Variants in RNF180 observed in about 807,000 individuals in gnomAD.
RNF180 encodes the protein ring finger protein 180.
A neutral mutation model predicts 59.2 loss-of-function variants in RNF180; 38 were observed. That is an observed-to-expected ratio of 0.64 (90% CI 0.50 to 0.84). The LOEUF (loss-of-function observed/expected upper bound fraction) is 0.84, where lower values mean the gene tolerates loss of function less well. RNF180 is among the 40% of genes least tolerant of loss of function. RNF180 has a pLI of 0.00. For missense variants in RNF180, 705 were observed against 700.9 expected, an observed-to-expected ratio of 1.01 and a Z score of -0.07; for synonymous variants, 262 against 240.3, an observed-to-expected ratio of 1.09 and a Z score of -0.84.
intron 5 of RNF180, among the ~76,000 whole-genome samples, chr5:64,243,349 T>G (rs1193766377): frequency 2.0e-5 from 3 of 152,210 alleles, no homozygotes; most frequent in Admixed American, 6.5e-5. Context: ...AAATTATTGC[T>G]GCCAGCACAG....
intron 5 of RNF180, among the ~76,000 whole-genome samples, chr5:64,320,870 C>T (rs1022761432): frequency 2.6e-5 from 4 of 152,060 alleles, no homozygotes; most frequent in Admixed American, 6.6e-5. Context: ...AACCCTGTCT[C>T]TACTAAAAAT....
intron 5 of RNF180, among the ~76,000 whole-genome samples, chr5:64,279,662 T>C (rs1741905125): frequency 6.6e-6 from 1 of 152,232 alleles, no homozygotes; most frequent in African/African-American, 2.4e-5. Flanking sequence ...TATCAGTTAA[T>C]TTTTCACAAT....
At chr5:64,178,422 G>A (rs180740085) in intron 1 of RNF180, among the ~76,000 whole-genome samples, 52 of 152,248 alleles carry the variant, frequency 3.4e-4, no homozygotes, top group Middle Eastern at 3.4e-3. Flanking sequence ...GGGAATTAGA[G>A]CAAAGTTAAG....
chr5:64,350,093 TTAA>T (rs1371421258), intron 7 of RNF180, among the ~76,000 whole-genome samples: 1 of 152,188 alleles, frequency 6.6e-6, no homozygotes, highest in Non-Finnish European at 1.5e-5. Flanking sequence ...TCCTGACTTT[TTAA>T]TGATCACCAT....
chr5:64,305,234 T>A (rs907977114), intron 5 of RNF180, among the ~76,000 whole-genome samples: 9 of 151,612 alleles, frequency 5.9e-5, no homozygotes, highest in African/African-American at 2.2e-4. Context: ...AAGGTGTAGG[T>A]ATACTAGATT....
intron 5 of RNF180, 112 bp downstream of exon 5, chr5:64,217,508 A>G: frequency 7.7e-7 from 1 of 1,294,776 alleles, no homozygotes; most frequent in Non-Finnish European, 9.8e-7. Context: ...CCTTGAAAGC[A>G]AGCACTGGTA....
rs757356984 is a variant in RNF180 at position 64,372,210 on chromosome 5, G to A, written c.*2396G>A. ...TTTTTAAAAAAATGCCCTAATTGAG[G>A]TATATTTCTGAATAGTTTCAGCAGG... On this transcript the variant is annotated 3_prime_UTR_variant, in exon 8 of 8. Coordinates refer to ENST00000389100, the MANE Select transcript of RNF180 (RefSeq NM_001113561.2). 8 of 151,478 alleles carry A rather than the reference G, an allele frequency of 5.3e-5. No homozygotes were observed. The highest frequency in any genetic ancestry group is 1.0e-4 in the Non-Finnish European group (7 of 67,760). The allele number at this position is 151,478 out of a possible 1,614,324, so 9.4% of individuals were successfully genotyped here.
At position 64,253,824 on chromosome 5, in the gene RNF180, A is replaced by C. The variant is rs182558889; in HGVS notation, c.1227+36428A>C. ...CTCTGAATTAAAGTAATATCGGCAT[A>C]TTAAACTTTTAAACAAACCTGATAT... On this transcript the variant is annotated intron_variant, in intron 5 of 7. Transcript: ENST00000389100. Among the ~76,000 whole-genome samples the C allele has an allele frequency of 1.1e-4, 16 of 152,292 alleles. No homozygotes were observed. In the East Asian group the frequency reaches 3.1e-3, roughly 29 times the overall value.
intron 5 of RNF180, among the ~76,000 whole-genome samples, chr5:64,295,621 G>A (rs1742847694): frequency 6.6e-6 from 1 of 152,118 alleles, no homozygotes. Flanking sequence ...ACCCACCCCT[G>A]TGCTTCCTAA....
intron 5 of RNF180, among the ~76,000 whole-genome samples, chr5:64,270,278 C>A (rs1741317048): frequency 1.3e-5 from 2 of 152,116 alleles, no homozygotes; most frequent in African/African-American, 4.8e-5. Flanking sequence ...TTTTACATCA[C>A]CAAAGCTGTG....
intron 7 of RNF180, among the ~76,000 whole-genome samples, chr5:64,335,035 C>G (rs1176668746): frequency 6.6e-6 from 1 of 152,082 alleles, no homozygotes; most frequent in Non-Finnish European, 1.5e-5. Context: ...TATTTTCAGT[C>G]TTTTAGATTT....
At chr5:64,179,923 T>C (rs891424741) in intron 1 of RNF180, among the ~76,000 whole-genome samples, 3 of 152,224 alleles carry the variant, frequency 2.0e-5, no homozygotes, top group Non-Finnish European at 2.9e-5. Flanking sequence ...CTTTTTAATT[T>C]TTCCCAGTGT....
Position 64,217,690 on chromosome 5 carries a change from T to G in RNF180, c.1227+294T>G, listed in dbSNP as rs545484994. 1.9e-3 allele frequency: 477 copies of G among 247,230 alleles called. 1 individual carries two copies. The highest frequency in any genetic ancestry group is 2.6e-3 in the Non-Finnish European group (357 of 139,644). The allele number at this position is 247,230 out of a possible 1,614,324, so 15.3% of individuals were successfully genotyped here. A position where few individuals can be genotyped will look rare whatever the true frequency, so the allele number is the denominator to read the frequency against. On this transcript the variant is annotated intron_variant, in intron 5 of 7. Coordinates refer to ENST00000389100, the MANE Select transcript of RNF180 (RefSeq NM_001113561.2). ...TTGGGCTGGTGTGGCAGCTTATGTCTATAATCCCAGCACTTTTGAGAGGCC... is the reference window on the plus strand; with the variant it reads ...TTGGGCTGGTGTGGCAGCTTATGTCGATAATCCCAGCACTTTTGAGAGGCC...
intron 5 of RNF180, among the ~76,000 whole-genome samples, chr5:64,269,724 T>G (rs1744900209): frequency 6.6e-6 from 1 of 152,182 alleles, no homozygotes; most frequent in Non-Finnish European, 1.5e-5. Context: ...TGATATTATC[T>G]TCAAACTTCA....
intron 7 of RNF180, among the ~76,000 whole-genome samples, chr5:64,362,879 T>C (rs1198721863): frequency 6.9e-6 from 1 of 145,798 alleles, no homozygotes. Flanking sequence ...GCCATATGTA[T>C]GTCTTCTTTT....
chr5:64,213,833 C>T lies in RNF180; in HGVS notation c.507C>T (p.Ala169=). 1 of 1,614,070 alleles carries T rather than the reference C, an allele frequency of 6.2e-7. No homozygotes were observed. Among genetic ancestry groups the T allele is most frequent in the Non-Finnish European group, 8.5e-7 (1 of 1,180,000 alleles). ...GAAATCACAGGCTTTTAAACATGGC[C>T]CGAAATAATAATGACCCTGGAAGAT... is the stretch of plus-strand genomic sequence containing the variant. ...ENRNHRLLNM[A]RNNNDPGRLT... is the part of the protein sequence containing the mutation. The change falls in exon 4 of 8, where the codon GCC becomes GCT. Residue 169 remains alanine (A), a synonymous_variant. Coordinates refer to ENST00000389100, the MANE Select transcript of RNF180 (RefSeq NM_001113561.2).
intron 7 of RNF180, among the ~76,000 whole-genome samples, chr5:64,348,986 G>A (rs1745671541): frequency 1.3e-5 from 2 of 152,042 alleles, no homozygotes; most frequent in Non-Finnish European, 1.5e-5. Context: ...TTAACTACCT[G>A]TGAGTCATTT....
At chr5:64,317,100 A>G (rs7724985) in intron 5 of RNF180, among the ~76,000 whole-genome samples, 43,499 of 152,118 alleles carry the variant, frequency 0.29, 6,434 homozygotes, top group African/African-American at 0.35. Context: ...ATCCACATAT[A>G]AGTGGACCCA....
At chr5:64,227,505 G>A (rs1328288528) in intron 5 of RNF180, among the ~76,000 whole-genome samples, 1 of 152,156 alleles carries the variant, frequency 6.6e-6, no homozygotes, top group Admixed American at 6.5e-5. Flanking sequence ...GTTGGCCTTT[G>A]GTCACCCCAC....
Sources: allele counts gnomAD v4.1 joint callset (sites outside exome capture counted in the v4.1 genomes callset), GRCh38; gene constraint gnomAD v4.1.1; transcripts MANE v1.5; gene names NCBI Gene and HGNC (gene_info 2026-07-23, HGNC 2026-07-21).